The following ZFAND3 variants were observed in gnomAD, a reference collection of about 807,000 sequenced individuals.
The protein encoded by ZFAND3 is zinc finger AN1-type containing 3.
ZFAND3 carries 10 observed loss-of-function variants against 29.6 expected under a neutral mutation model. The ratio of observed to expected loss-of-function variants is 0.34; its 90% CI spans 0.21 to 0.57. The LOEUF is 0.57. Ranked by LOEUF, ZFAND3 falls within the 20% of genes least tolerant of loss-of-function variation. The pLI is 0.86. For synonymous variants in ZFAND3, 128 were observed against 112.6 expected (o/e 1.14, Z -0.87); for missense variants, 230 against 304.5 (o/e 0.76, Z 1.82).
intron 2 of ZFAND3, among the ~76,000 whole-genome samples, chr6:37,936,798 G>T (rs59470013): frequency 1.3e-5 from 2 of 152,184 alleles, no homozygotes; most frequent in Non-Finnish European, 2.9e-5. Flanking sequence ...ATACAATCTA[G>T]AAGTGGTTTG....
chr6:37,854,440 C>T (rs1377345303), intron 1 of ZFAND3, among the ~76,000 whole-genome samples: 2 of 152,148 alleles, frequency 1.3e-5, no homozygotes, highest in South Asian at 2.1e-4. Flanking sequence ...GCTCAAGTCC[C>T]TTTACTCTTT....
At position 38,097,269 on chromosome 6, in the gene ZFAND3, T is replaced by TTA. The variant is rs1479645076; in HGVS notation, c.361+14812_361+14813insTA. Among the ~76,000 whole-genome samples the TTA allele has an allele frequency of 9.9e-4, 149 of 149,816 alleles. 1 individual carries two copies. Among genetic ancestry groups the TTA allele is most frequent in the African/African-American group, 3.5e-3 (141 of 40,048 alleles). Reference sequence around the variant, plus strand: ...TTTTCATTTTTTTTTTTTTTTTTTTTAAGAGACGGAGTCTCGCTTGTTGTC... The same window carrying TTA: ...TTTTCATTTTTTTTTTTTTTTTTTTTTAAAGAGACGGAGTCTCGCTTGTTGTC... On this transcript the variant is annotated intron_variant, in intron 4 of 5. Coordinates refer to ENST00000287218, the MANE Select transcript of ZFAND3 (RefSeq NM_021943.3).
At chr6:37,831,846 G>T (rs1344289683) in intron 1 of ZFAND3, among the ~76,000 whole-genome samples, 5 of 152,170 alleles carry the variant, frequency 3.3e-5, no homozygotes, top group Non-Finnish European at 2.9e-5. Context: ...ATGAGCAGGG[G>T]CCAGTTATGA....
chr6:38,069,995 G>C (rs1392861637), intron 3 of ZFAND3, among the ~76,000 whole-genome samples: 1 of 152,188 alleles, frequency 6.6e-6, no homozygotes, highest in Non-Finnish European at 1.5e-5. Context: ...GGTTTAGATA[G>C]AATAGAACAT....
intron 5 of ZFAND3, among the ~76,000 whole-genome samples, chr6:38,129,019 C>T (rs1258702406): frequency 1.3e-5 from 2 of 152,188 alleles, no homozygotes; most frequent in Non-Finnish European, 1.5e-5. Context: ...TGATTATGAT[C>T]ATTCTTGCAG....
chr6:37,846,155 A>C (rs1468777703), intron 1 of ZFAND3, among the ~76,000 whole-genome samples: 3 of 152,130 alleles, frequency 2.0e-5, no homozygotes, highest in Admixed American at 2.0e-4. Context: ...AGTTCATTTT[A>C]AGCTGTTTGA....
chr6:38,089,180 T>C (rs1764816539), intron 4 of ZFAND3, among the ~76,000 whole-genome samples: 1 of 152,094 alleles, frequency 6.6e-6, no homozygotes, highest in Non-Finnish European at 1.5e-5. Flanking sequence ...AGTGGTACAG[T>C]GGTGCGATCT....
intron 2 of ZFAND3, among the ~76,000 whole-genome samples, chr6:37,932,260 C>CAA (rs11322267): frequency 6.2e-5 from 9 of 145,642 alleles, no homozygotes; most frequent in East Asian, 4.1e-4. Flanking sequence ...GACTCTGTCT[C>CAA]AAAAAAAAAA....
rs563263842 is a variant in ZFAND3, at chr6:38,032,714, A to C, written c.113-28879A>C. 2.0e-5 allele frequency among the ~76,000 whole-genome samples: 3 copies of C among 151,966 alleles called. No individual in the cohort carries two copies. In the South Asian group the frequency reaches 6.2e-4, roughly 32 times the overall value. On this transcript the variant is annotated intron_variant, in intron 2 of 5. Coordinates refer to ENST00000287218, the MANE Select transcript of ZFAND3 (RefSeq NM_021943.3). Reference sequence around the variant, plus strand: ...TGTGGAGGGGAATGGTGATCAAGCAAAGCACAAAAGAGTCCCTGAACTTTA... The same window carrying C: ...TGTGGAGGGGAATGGTGATCAAGCACAGCACAAAAGAGTCCCTGAACTTTA...
intron 1 of ZFAND3, among the ~76,000 whole-genome samples, chr6:37,904,163 A>G (rs1765368699): frequency 6.6e-6 from 1 of 152,182 alleles, no homozygotes; most frequent in South Asian, 2.1e-4. Flanking sequence ...AGAATAAACC[A>G]TGTTGGGCAG....
At chr6:37,839,007 A>C (rs903564480) in intron 1 of ZFAND3, among the ~76,000 whole-genome samples, 10 of 152,116 alleles carry the variant, frequency 6.6e-5, no homozygotes, top group African/African-American at 2.4e-4. Context: ...GATTATAGCC[A>C]ACCCTGTGGC....
At chr6:38,098,991 G>T (rs942386506) in intron 4 of ZFAND3, among the ~76,000 whole-genome samples, 1 of 152,046 alleles carries the variant, frequency 6.6e-6, no homozygotes, top group Admixed American at 6.6e-5. Context: ...AAATATTTCC[G>T]TATGTATTGG....
At chr6:38,117,350 C>A (rs1165003543) in intron 5 of ZFAND3, among the ~76,000 whole-genome samples, 1 of 150,148 alleles carries the variant, frequency 6.7e-6, no homozygotes, top group South Asian at 2.1e-4. Flanking sequence ...CACCATATAC[C>A]CAGTCTGAAA....
chr6:38,130,551 C>G (rs1765722865), intron 5 of ZFAND3, among the ~76,000 whole-genome samples: 1 of 152,146 alleles, frequency 6.6e-6, no homozygotes, highest in Non-Finnish European at 1.5e-5. Flanking sequence ...AATGCTTTTT[C>G]TGCATCTACT....
intron 2 of ZFAND3, among the ~76,000 whole-genome samples, chr6:38,054,750 T>G (rs1764101984): frequency 6.6e-6 from 1 of 152,212 alleles, no homozygotes; most frequent in South Asian, 2.1e-4. Context: ...GATAAGGTTT[T>G]CATAGTAACC....
intron 1 of ZFAND3, among the ~76,000 whole-genome samples, chr6:37,914,183 G>C (rs906315475): frequency 2.4e-4 from 37 of 152,176 alleles, no homozygotes; most frequent in Non-Finnish European, 5.0e-4. Flanking sequence ...GACCAGGTGT[G>C]TTGTCAGTGA....
At position 37,827,790 on chromosome 6, in the gene ZFAND3, C is replaced by T. The variant is rs117176357; in HGVS notation, c.71+7774C>T. On this transcript the variant is annotated intron_variant, in intron 1 of 5. Transcript: ENST00000287218. ...GTTCATTTAGCTGTACCAGATGTCC[C>T]ATATCATAGGCAAGTTCGAATTTAT... 2.2e-4 allele frequency among the ~76,000 whole-genome samples: 34 copies of T among 152,308 alleles called. No homozygotes were observed. The East Asian group carries it at 5.8e-3, about 26-fold the overall frequency.
At chr6:37,991,973 C>T (rs569896497) in intron 2 of ZFAND3, among the ~76,000 whole-genome samples, 8 of 152,088 alleles carry the variant, frequency 5.3e-5, no homozygotes, top group Middle Eastern at 3.4e-3. Context: ...ATTTTTTTGC[C>T]TGTGGTGATA....
chr6:37,914,851 G>C (rs1761209225), intron 1 of ZFAND3, among the ~76,000 whole-genome samples: 1 of 151,714 alleles, frequency 6.6e-6, no homozygotes, highest in Admixed American at 6.6e-5. Flanking sequence ...AATAGTAGCT[G>C]ATCACTGGCT....
Sources: allele counts gnomAD v4.1 joint callset (sites outside exome capture counted in the v4.1 genomes callset), GRCh38; gene constraint gnomAD v4.1.1; transcripts MANE v1.5; gene names NCBI Gene and HGNC (gene_info 2026-07-23, HGNC 2026-07-21).